EREG: variants seen among roughly 807,000 people sequenced by gnomAD.
EREG encodes epiregulin.
Under a neutral mutation model 22.4 loss-of-function variants are expected in EREG, and 23 were observed. The ratio of observed to expected loss-of-function variants is 1.03; its 90% CI spans 0.74 to 1.46. The LOEUF (loss-of-function observed/expected upper bound fraction) is 1.46, where lower values mean the gene tolerates loss of function less well. Among genes scored for constraint, EREG ranks in the 40% most tolerant of loss-of-function variants. The pLI is 0.00. For missense variants in EREG, 226 were observed against 205.9 expected, an observed-to-expected ratio of 1.10 and a Z score of -0.60; for synonymous variants, 100 against 75.4, an observed-to-expected ratio of 1.33 and a Z score of -1.69.
rs1752557837 is a variant in EREG, at chr4:74,385,683, T to A, written c.*875T>A. The A allele has an allele frequency of 5.5e-6, 2 of 366,952 alleles. No individual in the cohort carries two copies. Among genetic ancestry groups the A allele is most frequent in the Non-Finnish European group, 9.7e-6 (2 of 206,092 alleles). 22.7% of individuals were successfully genotyped at this position (366,952 alleles called of 1,614,324 possible). A position where few individuals can be genotyped will look rare whatever the true frequency, so the allele number is the denominator to read the frequency against. ...TAAGAATATTTTTAGACTATTTCTT[T>A]TTATAGGGGCTTTGCTGAATTCTAA... On this transcript the variant is annotated 3_prime_UTR_variant, in exon 5 of 5. Transcript: ENST00000244869.
intron 1 of EREG, among the ~76,000 whole-genome samples, chr4:74,368,520 C>T (rs1183473517): frequency 6.6e-6 from 1 of 152,054 alleles, no homozygotes; most frequent in Non-Finnish European, 1.5e-5. Flanking sequence ...TAGCCCATTC[C>T]TGTTAACTGT....
In EREG at chr4:74,385,710, A is replaced by G. The variant is rs1033578197; in HGVS notation, c.*902A>G. On this transcript the variant is annotated 3_prime_UTR_variant, in exon 5 of 5. Coordinates refer to ENST00000244869, the MANE Select transcript of EREG (RefSeq NM_001432.3). Reference sequence around the variant, plus strand: ...TATAGGGGCTTTGCTGAATTCTAACATTAAATCACAGCCCAAAATTTGATG... The same window carrying G: ...TATAGGGGCTTTGCTGAATTCTAACGTTAAATCACAGCCCAAAATTTGATG... 3 of 374,890 alleles carry G rather than the reference A, an allele frequency of 8.0e-6. No homozygotes were observed. Among genetic ancestry groups the G allele is most frequent in the African/African-American group, 6.2e-5 (3 of 48,166 alleles). The allele number at this position is 374,890 out of a possible 1,614,324, so 23.2% of individuals were successfully genotyped here.
intron 1 of EREG, among the ~76,000 whole-genome samples, chr4:74,369,137 C>T (rs1336267169): frequency 6.6e-6 from 1 of 152,004 alleles, no homozygotes; most frequent in Non-Finnish European, 1.5e-5. Flanking sequence ...ATAGGTTTAT[C>T]CTCCATCTCC....
rs764211023 is a variant in EREG at position 74,381,024 on chromosome 4, A to G, written c.165A>G (p.Glu55=). 3.7e-6 allele frequency: 6 copies of G among 1,613,402 alleles called. No homozygotes were observed. In the South Asian group the frequency reaches 6.6e-5, roughly 18 times the overall value. Residue 55 remains glutamate (E), a synonymous_variant, in exon 3 of 5, where the codon GAA becomes GAG. Transcript: ENST00000244869. ...CCACTTCTTTTACAGTTCAGACAGAAGACAATCCACGTGTGGCTCAAGTGT... is the reference window on the plus strand; with the variant it reads ...CCACTTCTTTTACAGTTCAGACAGAGGACAATCCACGTGTGGCTCAAGTGT... ...SDNCTALVQT[E]DNPRVAQVSI...
chr4:74,380,028 A>C (rs2110388243), intron 2 of EREG, among the ~76,000 whole-genome samples: 1 of 152,356 alleles, frequency 6.6e-6, no homozygotes, highest in Non-Finnish European at 1.5e-5. Flanking sequence ...ACGCTGTGCT[A>C]AGGCATACAG....
chr4:74,371,343 A>G (rs1752286971), intron 1 of EREG, among the ~76,000 whole-genome samples: 1 of 152,168 alleles, frequency 6.6e-6, no homozygotes. Flanking sequence ...CAGCTTGGCA[A>G]TATTTATTGC....
In EREG at chr4:74,385,407, T is replaced by TCTCAGC. The variant is rs1752553856; in HGVS notation, c.*599_*600insCTCAGC. On this transcript the variant is annotated 3_prime_UTR_variant, in exon 5 of 5. Coordinates refer to ENST00000244869, the MANE Select transcript of EREG (RefSeq NM_001432.3). ...CACTCAGGTCTCAGCTATAATTCTG[T>TCTCAGC]TATATGAGGGGCAGTGGACAGTTCC... The TCTCAGC allele has an allele frequency of 6.5e-6, 1 of 153,188 alleles. No individual in the cohort carries two copies. The highest frequency in any genetic ancestry group is 2.4e-5 in the African/African-American group (1 of 41,502). The allele number at this position is 153,188 out of a possible 1,614,324, so 9.5% of individuals were successfully genotyped here.
intron 1 of EREG, among the ~76,000 whole-genome samples, chr4:74,377,139 G>A (rs996013682): frequency 4.7e-5 from 7 of 149,944 alleles, no homozygotes; most frequent in Non-Finnish European, 1.0e-4. Flanking sequence ...AACATTTATG[G>A]GCTGTGACAG....
At chr4:74,381,159 A>C (rs754208270) in intron 3 of EREG, 22 bp downstream of exon 3, 17 of 1,602,364 alleles carry the variant, frequency 1.1e-5, no homozygotes, top group Non-Finnish European at 1.4e-5. Flanking sequence ...GAAATAAACA[A>C]ACACAGTTTG....
chr4:74,366,150 T>A (rs1488682871), intron 1 of EREG, among the ~76,000 whole-genome samples: 1 of 152,016 alleles, frequency 6.6e-6, no homozygotes, highest in African/African-American at 2.4e-5. Context: ...AGGGGAAAAA[T>A]TTTCTAAATA....
intron 3 of EREG, 181 bp downstream of exon 3, chr4:74,381,318 C>G (rs1752471228): frequency 5.7e-6 from 3 of 527,464 alleles, no homozygotes; most frequent in Non-Finnish European, 1.0e-5. Context: ...TTAACCCCCC[C>G]AAAACTCTTC....
chr4:74,380,520 C>A (rs983793318), intron 2 of EREG, among the ~76,000 whole-genome samples: 24 of 152,230 alleles, frequency 1.6e-4, no homozygotes, highest in African/African-American at 4.8e-4. Context: ...TTAATGGTAA[C>A]CTCAGCAACT....
intron 1 of EREG, among the ~76,000 whole-genome samples, chr4:74,373,617 T>A (rs1272194338): frequency 6.8e-6 from 1 of 147,496 alleles, no homozygotes; most frequent in African/African-American, 2.5e-5. Context: ...TGTGTATATA[T>A]GTGAGTGTAT....
At chr4:74,373,557 A>G (rs952343334) in intron 1 of EREG, among the ~76,000 whole-genome samples, 3 of 150,636 alleles carry the variant, frequency 2.0e-5, no homozygotes, top group Non-Finnish European at 4.4e-5. Context: ...TAGGAATAGA[A>G]TTATTACTGG....
intron 1 of EREG, among the ~76,000 whole-genome samples, chr4:74,371,082 C>T (rs1752281829): frequency 6.6e-6 from 1 of 152,140 alleles, no homozygotes; most frequent in Admixed American, 6.5e-5. Context: ...AGTCTCCAGA[C>T]ATTACCATAT....
chr4:74,374,466 AT>A (rs1752344461), intron 1 of EREG, among the ~76,000 whole-genome samples: 2 of 152,148 alleles, frequency 1.3e-5, no homozygotes, highest in African/African-American at 4.8e-5. Flanking sequence ...GAGCCCAGGG[AT>A]TCGAGGCTGC....
In EREG at chr4:74,385,750, T is replaced by C. The variant is rs1752558687; in HGVS notation, c.*942T>C. 1 of 381,902 alleles carries C rather than the reference T, an allele frequency of 2.6e-6. No individual in the cohort carries two copies. Among genetic ancestry groups the C allele is most frequent in the Non-Finnish European group, 4.6e-6 (1 of 215,194 alleles). The allele number at this position is 381,902 out of a possible 1,614,324, so 23.7% of individuals were successfully genotyped here. A position where few individuals can be genotyped will look rare whatever the true frequency, so the allele number is the denominator to read the frequency against. ...AAAATTTGATGGACTAATTATTATT[T>C]TAAAATATATGAAGACAATAATTCT... On this transcript the variant is annotated 3_prime_UTR_variant, in exon 5 of 5. Coordinates refer to ENST00000244869, the MANE Select transcript of EREG (RefSeq NM_001432.3).
At chr4:74,377,906 A>G (rs1752408314) in intron 1 of EREG, among the ~76,000 whole-genome samples, 1 of 152,138 alleles carries the variant, frequency 6.6e-6, no homozygotes, top group Non-Finnish European at 1.5e-5. Flanking sequence ...CTCTCTCAAT[A>G]CATGGGGATT....
intron 1 of EREG, among the ~76,000 whole-genome samples, chr4:74,376,121 A>C (rs971363641): frequency 6.6e-6 from 1 of 152,180 alleles, no homozygotes; most frequent in African/African-American, 2.4e-5. Context: ...ACGGTGGAAA[A>C]ACTAACAACT....
Sources: gnomAD v4.1 joint callset for allele counts (sites outside exome capture counted in the v4.1 genomes callset) on GRCh38, gnomAD v4.1.1 for gene constraint, MANE v1.5 for transcripts, NCBI Gene and HGNC (gene_info 2026-07-23, HGNC 2026-07-21) for gene names.